GCLM: variants seen among roughly 807,000 people sequenced by gnomAD.
The protein encoded by GCLM is glutamate-cysteine ligase modifier subunit.
A neutral mutation model predicts 36.0 loss-of-function variants in GCLM; 15 were observed. That is an observed-to-expected ratio of 0.42 (90% CI 0.28 to 0.64). The LOEUF (loss-of-function observed/expected upper bound fraction) is 0.64, where lower values mean the gene tolerates loss of function less well. Ranked by LOEUF, GCLM falls within the 30% of genes least tolerant of loss-of-function variation. The probability of loss-of-function intolerance (pLI) is 0.25; values close to 1 mark genes in which losing one functional copy is unlikely to be tolerated. For missense variants in GCLM, 242 were observed against 325.5 expected (o/e 0.74, Z 1.97); for synonymous variants, 129 against 122.8 (o/e 1.05, Z -0.34).
rs1656280589 is a variant in GCLM at position 93,885,757 on chromosome 1, T to C, written c.*3233A>G. 1 of 151,990 alleles carries C rather than the reference T, an allele frequency of 6.6e-6. No individual in the cohort carries two copies. The highest frequency in any genetic ancestry group is 2.4e-5 in the African/African-American group (1 of 41,316). The allele number at this position is 151,990 out of a possible 1,614,324, so 9.4% of individuals were successfully genotyped here. A position where few individuals can be genotyped will look rare whatever the true frequency, so the allele number is the denominator to read the frequency against. On this transcript the variant is annotated 3_prime_UTR_variant, in exon 7 of 7. Transcript: ENST00000370238. ...GAACTGCTAGCCAACATACAATAAA[T>C]ATATCAATTGTTTACATTCCCAAAT... is the stretch of plus-strand genomic sequence containing the variant.
intron 6 of GCLM, among the ~76,000 whole-genome samples, chr1:93,891,064 T>A (rs886922557): frequency 1.3e-5 from 2 of 152,010 alleles, no homozygotes; most frequent in African/African-American, 2.4e-5. Flanking sequence ...ATTATTATTA[T>A]TTTTGTAGAT....
chr1:93,908,916 C>G, intron 1 of GCLM, 122 bp downstream of exon 1: 3 of 769,080 alleles, frequency 3.9e-6, no homozygotes, highest in Non-Finnish European at 5.5e-6. Flanking sequence ...GCGGGCGGAG[C>G]CCAGGTGCGC....
intron 5 of GCLM, among the ~76,000 whole-genome samples, chr1:93,894,968 AG>A (rs1416206635): frequency 7.3e-5 from 11 of 151,160 alleles, no homozygotes; most frequent in Non-Finnish European, 1.3e-4. Flanking sequence ...TAATAGGGAA[AG>A]GAAGTGTAAC....
In GCLM at chr1:93,896,702, G is replaced by A; in HGVS notation, c.456C>T (p.Asn152=). 1 of 1,613,674 alleles carries A rather than the reference G, an allele frequency of 6.2e-7. No individual in the cohort carries two copies. The highest frequency in any genetic ancestry group is 1.1e-5 in the South Asian group (1 of 91,062). ...HLQPYWEELE[N]LVQSKKIVAI... Reference sequence around the variant, plus strand: ...CAACAATCTTTTTGCTCTGAACTAAGTTTTCTAATTCCTCCCAGTAAGGCT... The same window carrying A: ...CAACAATCTTTTTGCTCTGAACTAAATTTTCTAATTCCTCCCAGTAAGGCT... The change falls in exon 5 of 7, where the codon AAC becomes AAT. Residue 152 remains asparagine, a synonymous_variant. Transcript: ENST00000370238.
intron 5 of GCLM, 52 bp downstream of exon 5, chr1:93,896,566 A>G: frequency 1.4e-6 from 2 of 1,410,868 alleles, no homozygotes; most frequent in Non-Finnish European, 2.0e-6. Context: ...TGCAGCAAAG[A>G]CTGAAAAGGG....
intron 2 of GCLM, chr1:93,904,322 G>C (rs1028373828): frequency 1.3e-5 from 7 of 554,534 alleles, no homozygotes; most frequent in Non-Finnish European, 2.3e-5. Context: ...TATCTTGTCT[G>C]GTTAAAGAGT....
rs1348745662 is a variant in GCLM at position 93,886,121 on chromosome 1, T to TA, written c.*2868dup. On this transcript the variant is annotated 3_prime_UTR_variant, in exon 7 of 7. Transcript: ENST00000370238. Reference sequence around the variant, plus strand: ...CAGTTTCATGGATGGGAATTCAAGATAGACTCATAACAGAACAAATTCCAA... The same window carrying TA: ...CAGTTTCATGGATGGGAATTCAAGATAAGACTCATAACAGAACAAATTCCAA... The TA allele has an allele frequency of 6.6e-6, 1 of 152,136 alleles. No homozygotes were observed. Among genetic ancestry groups the TA allele is most frequent in the African/African-American group, 2.4e-5 (1 of 41,446 alleles). The allele number at this position is 152,136 out of a possible 1,614,324, so 9.4% of individuals were successfully genotyped here.
chr1:93,902,377 A>C (rs1274467717), intron 2 of GCLM, among the ~76,000 whole-genome samples: 2 of 151,232 alleles, frequency 1.3e-5, no homozygotes, highest in African/African-American at 4.9e-5. Flanking sequence ...ACAGGGTTTC[A>C]CCGTGTTAGC....
chr1:93,909,389 C>A lies in GCLM; in HGVS notation c.-226G>T. ...AAGGCACCGGTGGCTGCGGCTCCGG[C>A]TCCGGCTACTGCGGCCGCAGCGGGA... On this transcript the variant is annotated 5_prime_UTR_variant, in exon 1 of 7. Transcript: ENST00000370238. 1.3e-6 allele frequency: 1 copy of A among 749,514 alleles called. No homozygotes were observed. The highest frequency in any genetic ancestry group is 1.6e-6 in the Non-Finnish European group (1 of 607,478). The allele number at this position is 749,514 out of a possible 1,614,324, so 46.4% of individuals were successfully genotyped here.
At chr1:93,904,473 C>T (rs1657071768) in intron 2 of GCLM, 50 bp downstream of exon 2, 2 of 1,150,780 alleles carry the variant, frequency 1.7e-6, no homozygotes, top group Non-Finnish European at 2.6e-6. Flanking sequence ...TTCCTGTTTA[C>T]TTTACTTCCT....
At chr1:93,904,468 GTTTAC>G (rs980241972) in intron 2 of GCLM, 50 bp downstream of exon 2, 3 of 1,101,796 alleles carry the variant, frequency 2.7e-6, no homozygotes, top group Admixed American at 1.7e-5. Context: ...TTAACTTCCT[GTTTAC>G]TTTACTTCCT....
Position 93,888,809 on chromosome 1 carries a change from G to A in GCLM, c.*181C>T. The A allele has an allele frequency of 2.4e-6, 1 of 412,384 alleles. No individual in the cohort carries two copies. The highest frequency in any genetic ancestry group is 4.3e-5 in the Admixed American group (1 of 23,074). 25.5% of individuals were successfully genotyped at this position (412,384 alleles called of 1,614,324 possible). A position where few individuals can be genotyped will look rare whatever the true frequency, so the allele number is the denominator to read the frequency against. ...TAAGGAAAGCAATACAGAGGTTCATGAGAATGGATTGATATGGAGGCAAGA... is the reference window on the plus strand; with the variant it reads ...TAAGGAAAGCAATACAGAGGTTCATAAGAATGGATTGATATGGAGGCAAGA... On this transcript the variant is annotated 3_prime_UTR_variant, in exon 7 of 7. Transcript: ENST00000370238.
chr1:93,901,765 G>T (rs774813774), intron 2 of GCLM, 96 bp from the exon 3 acceptor site: 8 of 688,314 alleles, frequency 1.2e-5, no homozygotes, highest in Non-Finnish European at 2.0e-5. Context: ...TAGAATCAGA[G>T]AACCTATAAG....
chr1:93,898,040 G>C, intron 3 of GCLM, 142 bp from the exon 4 acceptor site: 1 of 449,246 alleles, frequency 2.2e-6, no homozygotes, highest in South Asian at 5.8e-5. Context: ...TAACTTTATA[G>C]TTTTAATTTT....
chr1:93,897,856 C>G lies in GCLM; in HGVS notation c.320G>C (p.Arg107Thr). 6.4e-7 allele frequency: 1 copy of G among 1,552,334 alleles called. No homozygotes were observed. Among genetic ancestry groups the G allele is most frequent in the Non-Finnish European group, 8.6e-7 (1 of 1,156,386 alleles). ...TTGCTTACCCATGTCAACTGCACTT[C>G]TAGTTGATGATGAAGAGTTTGATTC... ...IVESNSSSST[R>T]SAVDMACSVL... The change falls in exon 4 of 7, where the codon AGA (arginine) becomes ACA (threonine). Residue 107 changes from arginine to threonine, a missense_variant. By Grantham distance (71) the Arg-to-Thr change is moderately conservative. Coordinates refer to ENST00000370238, the MANE Select transcript of GCLM (RefSeq NM_002061.4).
intron 6 of GCLM, among the ~76,000 whole-genome samples, chr1:93,894,393 G>A (rs1363075537): frequency 1.3e-5 from 2 of 151,914 alleles, no homozygotes; most frequent in Non-Finnish European, 2.9e-5. Context: ...AAGACCAGAT[G>A]TTCAGGAAAT....
Position 93,888,485 on chromosome 1 carries a change from A to G in GCLM, c.*505T>C, listed in dbSNP as rs1343560386. 6.6e-6 allele frequency: 1 copy of G among 152,310 alleles called. No homozygotes were observed. Among genetic ancestry groups the G allele is most frequent in the Non-Finnish European group, 1.5e-5 (1 of 68,038 alleles). 9.4% of individuals were successfully genotyped at this position (152,310 alleles called of 1,614,324 possible). On this transcript the variant is annotated 3_prime_UTR_variant, in exon 7 of 7. Coordinates refer to ENST00000370238, the MANE Select transcript of GCLM (RefSeq NM_002061.4). ...TTGAAGAGTGAATTTTATTTACACT[A>G]CTAGTAAATCCCAGCTACTCCAGTT...
rs1180528819 is a variant in GCLM at position 93,887,501 on chromosome 1, C to G, written c.*1489G>C. ...TTTTTTTTTTTTTGAGATGGAGTCT[C>G]GCTCTGTCGCCCAGGCTGGAGTGCA... is the stretch of plus-strand genomic sequence containing the variant. On this transcript the variant is annotated 3_prime_UTR_variant, in exon 7 of 7. Coordinates refer to ENST00000370238, the MANE Select transcript of GCLM (RefSeq NM_002061.4). The G allele has an allele frequency of 7.1e-6, 1 of 140,760 alleles. No individual in the cohort carries two copies. Among genetic ancestry groups the G allele is most frequent in the East Asian group, 2.2e-4 (1 of 4,642 alleles). 8.7% of individuals were successfully genotyped at this position (140,760 alleles called of 1,614,324 possible).
chr1:93,907,102 C>T (rs533494150), intron 1 of GCLM, among the ~76,000 whole-genome samples: 1 of 152,160 alleles, frequency 6.6e-6, no homozygotes, highest in African/African-American at 2.4e-5. Flanking sequence ...TTCAGTGAAG[C>T]GGAACTGTTC....
Sources: gnomAD v4.1 joint callset for allele counts (sites outside exome capture counted in the v4.1 genomes callset) on GRCh38, gnomAD v4.1.1 for gene constraint, MANE v1.5 for transcripts, NCBI Gene and HGNC (gene_info 2026-07-23, HGNC 2026-07-21) for gene names.